Variants in TRPM3 observed in about 807,000 individuals in gnomAD.
TRPM3 encodes the protein long transient receptor potential channel 3.
TRPM3 carries 77 observed loss-of-function variants against 181.2 expected under a neutral mutation model. The ratio of observed to expected loss-of-function variants is 0.42; its 90% CI spans 0.35 to 0.51. The LOEUF (loss-of-function observed/expected upper bound fraction) is 0.51, where lower values mean the gene tolerates loss of function less well. Among genes scored for constraint, TRPM3 ranks in the 20% least tolerant of loss-of-function variants. The pLI is 0.01. For synonymous variants in TRPM3, 745 were observed against 796.4 expected (o/e 0.94, Z 1.09); for missense variants, 1,759 against 2,196.7 (o/e 0.80, Z 3.98).
At chr9:70,599,165 A>G (rs1031136317) in intron 20 of TRPM3, among the ~76,000 whole-genome samples, 13 of 152,132 alleles carry the variant, frequency 8.5e-5, no homozygotes, top group Non-Finnish European at 1.6e-4. Flanking sequence ...GCTCCATCAC[A>G]TCTTACAGAT....
chr9:71,373,357 A>G (rs1404337148), intron 1 of TRPM3, among the ~76,000 whole-genome samples: 2 of 152,036 alleles, frequency 1.3e-5, no homozygotes, highest in East Asian at 3.8e-4. Context: ...TTTGAAAAAA[A>G]TTACAAAACA....
chr9:71,446,741 C>T, exon 1 of TRPM3: 1 of 1,550,578 alleles, frequency 6.4e-7, no homozygotes, highest in South Asian at 1.2e-5. Flanking sequence ...CCTGCCCCGG[C>T]TGGCGCTCCG....
At chr9:71,168,276 T>C (rs2076633065) in intron 1 of TRPM3, among the ~76,000 whole-genome samples, 1 of 152,168 alleles carries the variant, frequency 6.6e-6, no homozygotes, top group Admixed American at 6.6e-5. Context: ...TCTTCCTTTG[T>C]AATCTAGTTT....
intron 1 of TRPM3, among the ~76,000 whole-genome samples, chr9:71,212,288 T>C (rs1407665922): frequency 6.6e-6 from 1 of 152,146 alleles, no homozygotes; most frequent in Admixed American, 6.5e-5. Context: ...ACATAATTTT[T>C]ATCTTTTGTA....
intron 1 of TRPM3, among the ~76,000 whole-genome samples, chr9:71,238,287 CT>C (rs745374875): frequency 6.6e-6 from 1 of 151,836 alleles, no homozygotes; most frequent in Non-Finnish European, 1.5e-5. Context: ...GTCTGGCTTC[CT>C]TCCCTACACA....
intron 1 of TRPM3, among the ~76,000 whole-genome samples, chr9:71,300,860 A>C (rs1406070023): frequency 6.6e-6 from 1 of 152,150 alleles, no homozygotes; most frequent in Admixed American, 6.6e-5. Flanking sequence ...ATTTGGAGGG[A>C]TACGCACTAC....
chr9:71,207,195 G>A (rs1340561505), intron 1 of TRPM3, among the ~76,000 whole-genome samples: 1 of 151,920 alleles, frequency 6.6e-6, no homozygotes, highest in Non-Finnish European at 1.5e-5. Context: ...TAAATAAAAG[G>A]ATTAAGACAC....
At chr9:70,643,249 T>C (rs1036214025) in intron 9 of TRPM3, among the ~76,000 whole-genome samples, 1 of 152,232 alleles carries the variant, frequency 6.6e-6, no homozygotes, top group East Asian at 1.9e-4. Context: ...CTCATTGCGA[T>C]TGCATTTGGA....
At chr9:70,757,242 G>T (rs1233436451) in intron 8 of TRPM3, among the ~76,000 whole-genome samples, 1 of 152,036 alleles carries the variant, frequency 6.6e-6, no homozygotes, top group Non-Finnish European at 1.5e-5. Context: ...AGAAGAAATG[G>T]ATAAATTCCT....
intron 1 of TRPM3, among the ~76,000 whole-genome samples, chr9:71,208,026 A>C (rs1254857767): frequency 6.6e-6 from 1 of 152,178 alleles, no homozygotes; most frequent in Non-Finnish European, 1.5e-5. Flanking sequence ...GGAGAGAAGG[A>C]GCTGACAGAG....
In TRPM3 at chr9:70,625,153, C is replaced by A. The variant is rs752588864; in HGVS notation, c.1809+38G>T. ...CAACCCAAATCCCATACACCCTAGT[C>A]CTCCCAGGAAGGGCCCCGAATTTGC... is the stretch of plus-strand genomic sequence containing the variant. On this transcript the variant is annotated intron_variant, in intron 14 of 25. Transcript: ENST00000677713. This position sits in a 1 kb window ranked among gnomAD's most constrained non-coding sequence, Gnocchi z 4.8. The A allele has an allele frequency of 1.1e-5, 17 of 1,612,160 alleles. No homozygotes were observed. The South Asian group carries it at 1.8e-4, about 17-fold the overall frequency.
intron 5 of TRPM3, among the ~76,000 whole-genome samples, chr9:70,834,792 G>A (rs1487874916): frequency 6.6e-6 from 1 of 152,188 alleles, no homozygotes; most frequent in African/African-American, 2.4e-5. Flanking sequence ...GACCTCAAGA[G>A]ACAGCCCAGG....
At chr9:71,408,273 G>A (rs928068232) in intron 1 of TRPM3, among the ~76,000 whole-genome samples, 5 of 152,136 alleles carry the variant, frequency 3.3e-5, no homozygotes, top group Admixed American at 6.6e-5. Context: ...GACAGAAGGC[G>A]CCTTCAGAAG....
intron 19 of TRPM3, among the ~76,000 whole-genome samples, chr9:70,605,940 T>TTAAG (rs1423709985): frequency 2.0e-5 from 3 of 152,198 alleles, no homozygotes; most frequent in Non-Finnish European, 2.9e-5. Context: ...ATTTTAATAC[T>TTAAG]TAAGTAACTC....
At position 71,352,621 on chromosome 9, in the gene TRPM3, A is replaced by G. The variant is rs143286631; in HGVS notation, c.183+94032T>C. On this transcript the variant is annotated intron_variant, in intron 1 of 24. Transcript: ENST00000357533. ...CACCTAAATGAACATTATTCATCCT[A>G]TAATGCAGCTTTTTGCCACAAGTCT... Among the ~76,000 whole-genome samples, 886 of 152,342 alleles carry G rather than the reference A, an allele frequency of 5.8e-3. 14 individuals carry two copies. The highest frequency in any genetic ancestry group is 0.02 in the African/African-American group (849 of 41,580).
intron 1 of TRPM3, among the ~76,000 whole-genome samples, chr9:71,242,010 GC>G (rs1484207525): frequency 2.6e-5 from 4 of 152,226 alleles, no homozygotes; most frequent in African/African-American, 9.6e-5. Flanking sequence ...ATATATTATT[GC>G]TTTTGGAAGG....
chr9:71,065,379 A>C (rs2061797704), intron 1 of TRPM3, among the ~76,000 whole-genome samples: 1 of 152,192 alleles, frequency 6.6e-6, no homozygotes, highest in Admixed American at 6.6e-5. Context: ...TACAAGAACA[A>C]AATTATTCCT....
At chr9:71,114,993 C>G (rs75244045) in intron 1 of TRPM3, among the ~76,000 whole-genome samples, 1 of 152,182 alleles carries the variant, frequency 6.6e-6, no homozygotes, top group Non-Finnish European at 1.5e-5. Flanking sequence ...AAAAACACTT[C>G]TTCAGATTCT....
At chr9:71,314,417 C>A (rs945702067) in intron 1 of TRPM3, among the ~76,000 whole-genome samples, 2 of 152,058 alleles carry the variant, frequency 1.3e-5, no homozygotes, top group Admixed American at 1.3e-4. Context: ...TCTCTAGTTT[C>A]AACTATAGTC....
Sources: gnomAD v4.1 joint callset for allele counts (sites outside exome capture counted in the v4.1 genomes callset) on GRCh38, gnomAD v4.1.1 for gene constraint, Gnocchi (gnomAD v3.1) non-coding constraint, MANE v1.5 for transcripts, NCBI Gene and HGNC (gene_info 2026-07-23, HGNC 2026-07-21) for gene names.